The following FBXO4 variants were observed in gnomAD, a reference collection of about 807,000 sequenced individuals.
FBXO4 encodes the protein F-box only protein 4.
FBXO4 carries 36 observed loss-of-function variants against 43.7 expected under a neutral mutation model. That is an observed-to-expected ratio of 0.82 (90% confidence interval 0.63 to 1.09). The LOEUF (loss-of-function observed/expected upper bound fraction) is 1.09. Among genes scored for constraint, FBXO4 ranks in the 50% least tolerant of loss-of-function variants. FBXO4 has a pLI of 0.00. For synonymous variants in FBXO4, 180 were observed against 165.6 expected, an observed-to-expected ratio of 1.09 and a Z score of -0.67; for missense variants, 435 against 474.1, an observed-to-expected ratio of 0.92 and a Z score of 0.77.
At position 41,925,344 on chromosome 5, in the gene FBXO4, C is replaced by A; in HGVS notation, c.35C>A (p.Ser12Ter). 7.3e-7 allele frequency: 1 copy of A among 1,365,052 alleles called. No individual in the cohort carries two copies. Among genetic ancestry groups the A allele is most frequent in the Non-Finnish European group, 9.5e-7 (1 of 1,055,002 alleles). 84.6% of individuals were successfully genotyped at this position (1,365,052 alleles called of 1,614,324 possible). ...AGSEPRSGTNSPPPPFSDWGR... is the reference protein window; with the variant it reads ...AGSEPRSGTN Reference sequence around the variant, plus strand: ...AGCGAGCCGCGCAGCGGAACAAACTCGCCGCCGCCGCCCTTCAGCGACTGG... The same window carrying A: ...AGCGAGCCGCGCAGCGGAACAAACTAGCCGCCGCCGCCCTTCAGCGACTGG... Residue 12 changes from serine to a stop codon, truncating the protein, a stop_gained, in exon 1 of 7, where the codon TCG becomes TAG. Coordinates refer to ENST00000281623, the MANE Select transcript of FBXO4 (RefSeq NM_012176.3). LOFTEE classifies it high-confidence loss of function.
the FBXO4 span, among the ~76,000 whole-genome samples, chr5:41,955,003 T>C: frequency 3.3e-5 from 5 of 152,198 alleles, no homozygotes; most frequent in Admixed American, 6.5e-5. Context: ...AGTTGCTCTA[T>C]GACACTCCCT....
At chr5:42,000,359 C>A in the FBXO4 span, among the ~76,000 whole-genome samples, 2 of 152,096 alleles carry the variant, frequency 1.3e-5, no homozygotes, top group Non-Finnish European at 2.9e-5. Context: ...TGCACATGTA[C>A]CCCTTGTATC....
chr5:41,925,336 A>G lies in FBXO4; in HGVS notation c.27A>G (p.Gly9=), dbSNP rs567898431. The change falls in exon 1 of 7, where the codon GGA becomes GGG. Residue 9 remains glycine, a synonymous_variant. Coordinates refer to ENST00000281623, the MANE Select transcript of FBXO4 (RefSeq NM_012176.3). MAGSEPRS[G]TNSPPPPFSD... is the part of the protein sequence containing the mutation. ...TGGCGGGAAGCGAGCCGCGCAGCGG[A>G]ACAAACTCGCCGCCGCCGCCCTTCA... 1.5e-5 allele frequency: 20 copies of G among 1,363,014 alleles called. No homozygotes were observed. The South Asian group carries it at 3.2e-4, about 22-fold the overall frequency. The allele number at this position is 1,363,014 out of a possible 1,614,324, so 84.4% of individuals were successfully genotyped here.
At chr5:41,944,346 A>C (rs1181806793), downstream of FBXO4, among the ~76,000 whole-genome samples, 1 of 152,214 alleles carries the variant, frequency 6.6e-6, no homozygotes, top group Admixed American at 6.5e-5. Flanking sequence ...CTAAATCATG[A>C]CAGATGTGTA....
the FBXO4 span, among the ~76,000 whole-genome samples, chr5:42,003,188 A>G: frequency 0.23 from 35,337 of 152,168 alleles, 4,512 homozygotes; most frequent in African/African-American, 0.33. Flanking sequence ...AGACAATAAT[A>G]GAATTAGATA....
chr5:41,939,711 G>T (rs1579987087), intron 6 of FBXO4, 95 bp downstream of exon 6: 2 of 1,006,592 alleles, frequency 2.0e-6, no homozygotes, highest in Non-Finnish European at 2.8e-6. Flanking sequence ...TAATGAAATG[G>T]CATTCTAAAG....
Position 41,937,271 on chromosome 5 carries a change from C to T in FBXO4, c.899-2170C>T, listed in dbSNP as rs550014251. ...AGAGATAAAGAGAACATCTTTAACGCAGCCAGAAAAAATGAAAACATACAT... is the reference window on the plus strand; with the variant it reads ...AGAGATAAAGAGAACATCTTTAACGTAGCCAGAAAAAATGAAAACATACAT... On this transcript the variant is annotated intron_variant, in intron 5 of 6. Transcript: ENST00000281623. Among the ~76,000 whole-genome samples the T allele has an allele frequency of 4.0e-3, 609 of 152,190 alleles. 8 individuals carry two copies. The highest frequency in any genetic ancestry group is 0.014 in the African/African-American group (591 of 41,506).
chr5:42,039,858 A>G, the FBXO4 span, among the ~76,000 whole-genome samples: 1 of 152,020 alleles, frequency 6.6e-6, no homozygotes, highest in African/African-American at 2.4e-5. Context: ...GAATGCCTAG[A>G]TTTTTCCGGA....
the FBXO4 span, among the ~76,000 whole-genome samples, chr5:42,006,887 GATATATATATAT>G: frequency 4.0e-4 from 32 of 79,108 alleles, 1 homozygote; most frequent in African/African-American, 1.3e-3. Flanking sequence ...GGTTCATGCT[GATATATATATAT>G]ATATATATAT....
chr5:41,980,168 C>T, the FBXO4 span, among the ~76,000 whole-genome samples: 1 of 152,016 alleles, frequency 6.6e-6, no homozygotes, highest in African/African-American at 2.4e-5. Context: ...AAGTAAAAAG[C>T]TTTGGCGGGT....
the FBXO4 span, among the ~76,000 whole-genome samples, chr5:41,948,644 C>T: frequency 6.6e-6 from 1 of 151,974 alleles, no homozygotes; most frequent in Non-Finnish European, 1.5e-5. Flanking sequence ...TATTATTTTG[C>T]TTTTATCAGT....
At chr5:41,988,753 G>A in the FBXO4 span, among the ~76,000 whole-genome samples, 1 of 152,108 alleles carries the variant, frequency 6.6e-6, no homozygotes, top group Non-Finnish European at 1.5e-5. Flanking sequence ...AATAAGAGTT[G>A]TTGATATTTT....
chr5:41,941,929 A>C (rs1485742502), downstream of FBXO4, among the ~76,000 whole-genome samples: 2 of 152,284 alleles, frequency 1.3e-5, no homozygotes, highest in South Asian at 2.1e-4. Context: ...TTCCATACTC[A>C]GAGTGAAAAC....
intron 1 of FBXO4, among the ~76,000 whole-genome samples, chr5:41,925,945 T>G (rs1397099543): frequency 6.6e-6 from 1 of 152,152 alleles, no homozygotes; most frequent in East Asian, 1.9e-4. Flanking sequence ...TTTTACCCTC[T>G]CAAGAGGACA....
At chr5:41,977,110 G>A in the FBXO4 span, among the ~76,000 whole-genome samples, 1 of 152,150 alleles carries the variant, frequency 6.6e-6, no homozygotes, top group Non-Finnish European at 1.5e-5. Context: ...CCTGGATCTG[G>A]CCCCCCAAAC....
the FBXO4 span, among the ~76,000 whole-genome samples, chr5:41,999,532 T>TAC: frequency 9.8e-6 from 1 of 101,934 alleles, no homozygotes; most frequent in African/African-American, 5.3e-5. Context: ...TACATATATA[T>TAC]ATACATATAT....
rs1751437293 is a variant in FBXO4 at position 41,925,284 on chromosome 5, C to G, written c.-26C>G. 2.3e-6 allele frequency: 3 copies of G among 1,318,494 alleles called. No homozygotes were observed. The highest frequency in any genetic ancestry group is 2.0e-5 in the South Asian group (1 of 49,616). 81.7% of individuals were successfully genotyped at this position (1,318,494 alleles called of 1,614,324 possible). On this transcript the variant is annotated 5_prime_UTR_variant, in exon 1 of 7. Transcript: ENST00000281623. ...CTGACGCGCTAGCGTGGCTCTAAGA[C>G]GCGTCACCCACGCTGCGGGCAAGCC...
the FBXO4 span, among the ~76,000 whole-genome samples, chr5:42,002,940 A>G: frequency 6.6e-6 from 1 of 152,238 alleles, no homozygotes; most frequent in Non-Finnish European, 1.5e-5. Context: ...ATTTTGGCTT[A>G]TAAAGCACAT....
the FBXO4 span, among the ~76,000 whole-genome samples, chr5:41,998,933 G>A: frequency 3.3e-5 from 5 of 152,048 alleles, no homozygotes; most frequent in Non-Finnish European, 5.9e-5. Context: ...GTTAGAATCC[G>A]TGAGTTCATA....
Sources: allele counts gnomAD v4.1 joint callset (sites outside exome capture counted in the v4.1 genomes callset), GRCh38; gene constraint gnomAD v4.1.1; transcripts MANE v1.5; gene names NCBI Gene and HGNC (gene_info 2026-07-23, HGNC 2026-07-21).